The following MAPK10 variants were observed in gnomAD, a reference collection of about 807,000 sequenced individuals.
MAPK10 encodes the protein JNK3 alpha protein kinase.
In MAPK10, 25 loss-of-function variants were observed where a neutral mutation model predicts 59.3. That is an observed-to-expected ratio of 0.42 (90% confidence interval 0.31 to 0.59). The LOEUF (loss-of-function observed/expected upper bound fraction) is 0.59. MAPK10 is among the 20% of genes least tolerant of loss of function. MAPK10 has a pLI of 0.15. For synonymous variants in MAPK10, 190 were observed against 200.5 expected, an observed-to-expected ratio of 0.95 and a Z score of 0.44; for missense variants, 351 against 568.9, an observed-to-expected ratio of 0.62 and a Z score of 3.90.
chr4:86,297,683 C>T (rs2095392840), intron 2 of MAPK10, among the ~76,000 whole-genome samples: 1 of 152,136 alleles, frequency 6.6e-6, no homozygotes, highest in Non-Finnish European at 1.5e-5. Context: ...GAATTGTTTT[C>T]CTATAATTGG....
chr4:86,408,807 T>C (rs1287246700), intron 1 of MAPK10, among the ~76,000 whole-genome samples: 1 of 152,232 alleles, frequency 6.6e-6, no homozygotes, highest in East Asian at 1.9e-4. Flanking sequence ...ATTAGTCCTT[T>C]GTCAGATGGG....
chr4:86,336,105 A>G (rs1168538488), intron 2 of MAPK10, among the ~76,000 whole-genome samples: 3 of 152,238 alleles, frequency 2.0e-5, no homozygotes, highest in Non-Finnish European at 2.9e-5. Context: ...ATTTGTATTA[A>G]AATCAAATAG....
chr4:86,188,688 T>C (rs2078887468), intron 3 of MAPK10, among the ~76,000 whole-genome samples: 1 of 152,216 alleles, frequency 6.6e-6, no homozygotes, highest in Admixed American at 6.5e-5. Context: ...CCCCATTCTG[T>C]GGGTTGCCTG....
chr4:86,578,065 C>T (rs1233405218), intron 1 of MAPK10, among the ~76,000 whole-genome samples: 3 of 152,092 alleles, frequency 2.0e-5, no homozygotes, highest in Admixed American at 6.5e-5. Context: ...TGCTGATGAG[C>T]GAGCAAAAAC....
rs563664910 is a variant in MAPK10, at chr4:86,012,085, C to G, written c.*5143G>C. ...TTAATCTGGGAAATTTAACCCTGCT[C>G]TACTTACCTAATGCCCCCCCAAAAG... On this transcript the variant is annotated 3_prime_UTR_variant, in exon 14 of 14. Coordinates refer to ENST00000641462, the MANE Select transcript of MAPK10 (RefSeq NM_138982.4). The G allele has an allele frequency of 3.9e-5, 6 of 152,118 alleles. No homozygotes were observed. The East Asian group carries it at 5.8e-4, about 15-fold the overall frequency. The allele number at this position is 152,118 out of a possible 1,614,324, so 9.4% of individuals were successfully genotyped here.
chr4:86,485,583 T>G (rs1753926565), intron 1 of MAPK10, among the ~76,000 whole-genome samples: 2 of 151,662 alleles, frequency 1.3e-5, no homozygotes, highest in Non-Finnish European at 2.9e-5. Flanking sequence ...GAATCAGGAG[T>G]CTTAATGAGT....
chr4:86,131,979 C>T (rs977752154), intron 4 of MAPK10, among the ~76,000 whole-genome samples: 43 of 152,182 alleles, frequency 2.8e-4, no homozygotes, highest in African/African-American at 8.4e-4. Context: ...AGGGTTATCT[C>T]ATCTCCTTTC....
chr4:86,333,389 G>T (rs7690323), intron 2 of MAPK10, among the ~76,000 whole-genome samples: 111,751 of 152,004 alleles, frequency 0.74, 41,582 homozygotes, highest in South Asian at 0.9. Flanking sequence ...CCTAGTCCTA[G>T]CTCCTCACCT....
intron 2 of MAPK10, among the ~76,000 whole-genome samples, chr4:86,331,940 T>C (rs2096165238): frequency 6.6e-6 from 1 of 152,230 alleles, no homozygotes. Flanking sequence ...TACTTTGCTG[T>C]GTTTATAACT....
chr4:86,232,018 C>A (rs2091619773), intron 2 of MAPK10, among the ~76,000 whole-genome samples: 1 of 152,184 alleles, frequency 6.6e-6, no homozygotes, highest in Non-Finnish European at 1.5e-5. Context: ...CCAGCGGTCA[C>A]CAAACCTTGT....
chr4:86,577,121 T>C (rs1325719817), intron 1 of MAPK10, among the ~76,000 whole-genome samples: 1 of 151,964 alleles, frequency 6.6e-6, no homozygotes, highest in Non-Finnish European at 1.5e-5. Context: ...CTGAGCAATG[T>C]AGTGAGAACC....
intron 2 of MAPK10, among the ~76,000 whole-genome samples, chr4:86,241,641 A>G (rs1467191326): frequency 2.0e-5 from 3 of 152,074 alleles, no homozygotes; most frequent in African/African-American, 4.8e-5. Context: ...TTGCGTATGC[A>G]TCATGAAGTT....
intron 9 of MAPK10, among the ~76,000 whole-genome samples, chr4:86,084,727 T>C (rs796845956): frequency 4.8e-5 from 7 of 144,750 alleles, no homozygotes; most frequent in African/African-American, 1.5e-4. Context: ...AATGGTGTTC[T>C]TCACAGATAG....
At chr4:86,166,979 A>T (rs1448696584) in intron 3 of MAPK10, among the ~76,000 whole-genome samples, 2 of 152,140 alleles carry the variant, frequency 1.3e-5, no homozygotes, top group Non-Finnish European at 2.9e-5. Context: ...TGCTAGCTAG[A>T]CTAATAAAGA....
At chr4:86,370,942 A>C (rs1366755472) in intron 1 of MAPK10, 1 of 152,204 alleles carries the variant, frequency 6.6e-6, no homozygotes, top group African/African-American at 2.4e-5. Context: ...ATAAGAATAG[A>C]CTTAAAAGTG....
intron 4 of MAPK10, among the ~76,000 whole-genome samples, chr4:86,122,352 T>C (rs2059401001): frequency 6.6e-6 from 1 of 152,180 alleles, no homozygotes; most frequent in Non-Finnish European, 1.5e-5. Flanking sequence ...ATTCCTTGAG[T>C]ATCCCCAAAA....
rs1564716630 is a variant in MAPK10 at position 86,359,932 on chromosome 4, A to AC, written c.-397dup. 2.0e-6 allele frequency: 2 copies of AC among 985,626 alleles called. No homozygotes were observed. Among genetic ancestry groups the AC allele is most frequent in the Admixed American group, 6.2e-5 (1 of 16,248 alleles). 61.1% of individuals were successfully genotyped at this position (985,626 alleles called of 1,614,324 possible). ...GGTAAGCATATAGCAAGCACCACCC[A>AC]CCCCCATAAAAATAAAAAGTGAAGG... On this transcript the variant is annotated 5_prime_UTR_variant, in exon 1 of 14. It introduces an in-frame stop codon into an upstream open reading frame of the 5' UTR. Transcript: ENST00000641462.
At chr4:86,196,873 T>C (rs2081422938) in intron 2 of MAPK10, among the ~76,000 whole-genome samples, 1 of 152,168 alleles carries the variant, frequency 6.6e-6, no homozygotes, top group Admixed American at 6.6e-5. Flanking sequence ...TGGTTGTAGA[T>C]GTGTGGCATT....
chr4:86,194,164 G>T (rs940469632), intron 3 of MAPK10, 172 bp downstream of exon 3: 4 of 605,164 alleles, frequency 6.6e-6, no homozygotes, highest in Non-Finnish European at 1.2e-5. Flanking sequence ...ATCTTGCTGG[G>T]AGCTGGAGAC....
Sources: allele counts gnomAD v4.1 joint callset (sites outside exome capture counted in the v4.1 genomes callset), GRCh38; gene constraint gnomAD v4.1.1; transcripts MANE v1.5; gene names NCBI Gene and HGNC (gene_info 2026-07-23, HGNC 2026-07-21).